Variants in IRAG1 observed in about 807,000 individuals in gnomAD.
IRAG1 encodes the protein inositol 1,4,5-triphosphate receptor associated 1, also known as IP3R-associated cGMP kinase substrate.
IRAG1 carries 62 observed loss-of-function variants against 106.2 expected under a neutral mutation model. That is an observed-to-expected ratio of 0.58 (90% CI 0.48 to 0.72). IRAG1 has a LOEUF of 0.72. Ranked by LOEUF, IRAG1 falls within the 30% of genes least tolerant of loss-of-function variation. IRAG1 has a pLI of 0.00. For missense variants in IRAG1, 1,064 were observed against 1,140.7 expected (o/e 0.93, Z 0.97); for synonymous variants, 462 against 443.9 (o/e 1.04, Z -0.51).
At chr11:10,687,861 A>T in intron 1 of IRAG1, 4 of 1,187,682 alleles carry the variant, frequency 3.4e-6, no homozygotes, top group South Asian at 1.3e-5. Flanking sequence ...TAAGGGATTT[A>T]GCTTTGCTTT....
intron 3 of IRAG1, among the ~76,000 whole-genome samples, chr11:10,633,753 A>G (rs1011691646): frequency 1.3e-5 from 2 of 152,360 alleles, no homozygotes; most frequent in East Asian, 1.9e-4. Flanking sequence ...TCGCAGAGCC[A>G]AAAGGACCAC....
intron 18 of IRAG1, among the ~76,000 whole-genome samples, chr11:10,589,390 C>G (rs1402409984): frequency 6.6e-6 from 1 of 152,102 alleles, no homozygotes; most frequent in African/African-American, 2.4e-5. Context: ...CATTGTTAGT[C>G]TGTTGGGAAT....
At chr11:10,606,910 C>T (rs1239737699) in intron 11 of IRAG1, 138 bp from the exon 12 acceptor site, 2 of 688,116 alleles carry the variant, frequency 2.9e-6, no homozygotes, top group Non-Finnish European at 4.7e-6. Context: ...ATGCAATGTC[C>T]CCTTGCCTGT....
rs11403147 is a variant in IRAG1, at chr11:10,685,726, G to GAAAAA, written c.67+7805_67+7809dup. On this transcript the variant is annotated intron_variant, in intron 1 of 20. Coordinates refer to ENST00000423302, the MANE Select transcript of IRAG1 (RefSeq NM_130385.4). The stretch of plus-strand genomic sequence containing the variant: ...GTCAGAGTGAGACCCTGCCTCTCTT[G>GAAAAA]AAAAAAAAAAAAAAAAATTGTATAC... Among the ~76,000 whole-genome samples, 448 of 135,804 alleles carry GAAAAA rather than the reference G, an allele frequency of 3.3e-3. 3 individuals are homozygous for GAAAAA. Among genetic ancestry groups the GAAAAA allele is most frequent in the African/African-American group, 0.012 (417 of 35,026 alleles). The allele number at this position is 135,804 out of a possible 152,430, so 89.1% of individuals were successfully genotyped here.
chr11:10,617,026 T>C, intron 10 of IRAG1: 1 of 950,142 alleles, frequency 1.1e-6, no homozygotes, highest in Non-Finnish European at 1.2e-6. Context: ...TAGTTGGGGA[T>C]AAACTTTTTT....
At chr11:10,688,870 A>T (rs1861854306) in intron 1 of IRAG1, among the ~76,000 whole-genome samples, 1 of 152,176 alleles carries the variant, frequency 6.6e-6, no homozygotes, top group African/African-American at 2.4e-5. Flanking sequence ...CCGGTTGGCC[A>T]TTTACTAACT....
intron 1 of IRAG1, among the ~76,000 whole-genome samples, chr11:10,681,201 G>A (rs968763218): frequency 1.3e-5 from 2 of 152,160 alleles, no homozygotes; most frequent in Non-Finnish European, 2.9e-5. Flanking sequence ...ATACTCATCT[G>A]CCCCCAGAGC....
intron 10 of IRAG1, among the ~76,000 whole-genome samples, chr11:10,615,458 T>C (rs1855318973): frequency 6.6e-6 from 1 of 152,244 alleles, no homozygotes; most frequent in African/African-American, 2.4e-5. Flanking sequence ...TTATAAATCA[T>C]GCTGTTATAA....
intron 2 of IRAG1, among the ~76,000 whole-genome samples, chr11:10,641,224 C>T (rs539264213): frequency 6.6e-6 from 1 of 152,232 alleles, no homozygotes; most frequent in African/African-American, 2.4e-5. Context: ...TGTGGAAGTG[C>T]ACCTAGCACT....
chr11:10,586,332 A>T (rs1851983426), intron 18 of IRAG1, among the ~76,000 whole-genome samples: 1 of 151,954 alleles, frequency 6.6e-6, no homozygotes, highest in Non-Finnish European at 1.5e-5. Context: ...CATCTTTAAG[A>T]CTAAGCTCAA....
intron 9 of IRAG1, among the ~76,000 whole-genome samples, chr11:10,624,680 G>A (rs75751808): frequency 0.031 from 4,699 of 152,210 alleles, 116 homozygotes; most frequent in South Asian, 0.056. Flanking sequence ...CATGGTCAAG[G>A]ACCCTTTACC....
intron 12 of IRAG1, among the ~76,000 whole-genome samples, chr11:10,605,144 G>A (rs7119709): frequency 0.032 from 4,894 of 152,314 alleles, 110 homozygotes; most frequent in South Asian, 0.054. Context: ...TGCTAAAATT[G>A]CAGCCTGCAT....
chr11:10,584,502 A>G, intron 18 of IRAG1, among the ~76,000 whole-genome samples: 1 of 149,558 alleles, frequency 6.7e-6, no homozygotes, highest in East Asian at 1.9e-4. Flanking sequence ...GCAAGAGGAG[A>G]AAAACATAGC....
chr11:10,625,398 C>T (rs1015829259), intron 9 of IRAG1, among the ~76,000 whole-genome samples: 2 of 152,160 alleles, frequency 1.3e-5, no homozygotes, highest in South Asian at 2.1e-4. Flanking sequence ...CACAGGAGAC[C>T]GCTGTGCCTG....
intron 18 of IRAG1, among the ~76,000 whole-genome samples, chr11:10,583,854 T>G (rs761310347): frequency 1.3e-5 from 2 of 152,058 alleles, no homozygotes; most frequent in Admixed American, 6.6e-5. Flanking sequence ...AGGGCTCCTA[T>G]GGGAATGTAG....
intron 1 of IRAG1, among the ~76,000 whole-genome samples, chr11:10,689,531 G>A (rs542270113): frequency 1.3e-5 from 2 of 152,324 alleles, no homozygotes; most frequent in East Asian, 3.9e-4. Flanking sequence ...ACCTCTGAGA[G>A]CTGAGTCTCC....
At chr11:10,632,524 C>T (rs1036161015) in intron 3 of IRAG1, among the ~76,000 whole-genome samples, 1 of 152,136 alleles carries the variant, frequency 6.6e-6, no homozygotes, top group African/African-American at 2.4e-5. Flanking sequence ...CCTAGAACAT[C>T]ATCTTACAAG....
chr11:10,684,332 T>C lies in IRAG1; in HGVS notation c.67+9204A>G, dbSNP rs571906873. Among the ~76,000 whole-genome samples the C allele has an allele frequency of 2.1e-3, 317 of 152,190 alleles. 1 individual carries two copies. The highest frequency in any genetic ancestry group is 7.4e-3 in the African/African-American group (306 of 41,522). ...GGGACATGGATGAAACTGGAAATCA[T>C]CATTCTCAGTAAACTATTGCAAGGA... On this transcript the variant is annotated intron_variant, in intron 1 of 20. Transcript: ENST00000423302.
At chr11:10,597,007 TAGG>T (rs1853389654) in intron 15 of IRAG1, among the ~76,000 whole-genome samples, 1 of 152,194 alleles carries the variant, frequency 6.6e-6, no homozygotes, top group Non-Finnish European at 1.5e-5. Flanking sequence ...GTTATCATGT[TAGG>T]AGGAAGAAAC....
Sources: allele counts gnomAD v4.1 joint callset (sites outside exome capture counted in the v4.1 genomes callset), GRCh38; gene constraint gnomAD v4.1.1; transcripts MANE v1.5; gene names NCBI Gene and HGNC (gene_info 2026-07-23, HGNC 2026-07-21).